CTNNBL1: variants seen among roughly 807,000 people sequenced by gnomAD.
CTNNBL1 encodes catenin beta like 1.
Under a neutral mutation model 72.7 loss-of-function variants are expected in CTNNBL1, and 31 were observed. The ratio of observed to expected loss-of-function variants is 0.43; its 90% CI spans 0.32 to 0.58. CTNNBL1 has a LOEUF of 0.58. CTNNBL1 is among the 20% of genes least tolerant of loss of function. CTNNBL1 has a pLI of 0.08. For missense variants in CTNNBL1, 534 were observed against 725.1 expected (o/e 0.74, Z 3.03); for synonymous variants, 240 against 267.3 (o/e 0.90, Z 1.00).
rs1170472870 is a variant in CTNNBL1, at chr20:37,784,565, C to T, written c.1031+5230C>T. ...ATAACCCATTATTTTAAACTGATGA[C>T]AGGCTTAACACTGATTGCAGAAACA... is the stretch of plus-strand genomic sequence containing the variant. On this transcript the variant is annotated intron_variant, in intron 10 of 15. Transcript: ENST00000361383. Among the ~76,000 whole-genome samples, 13 of 152,288 alleles carry T rather than the reference C, an allele frequency of 8.5e-5. No homozygotes were observed. The South Asian group carries it at 2.7e-3, about 32-fold the overall frequency.
At chr20:37,715,162 A>G (rs1196966339) in intron 1 of CTNNBL1, among the ~76,000 whole-genome samples, 3 of 152,204 alleles carry the variant, frequency 2.0e-5, no homozygotes, top group African/African-American at 7.2e-5. Context: ...AACCAGTTAT[A>G]GCAAGATGAT....
intron 13 of CTNNBL1, among the ~76,000 whole-genome samples, chr20:37,843,441 C>T (rs2072321491): frequency 6.6e-6 from 1 of 152,220 alleles, no homozygotes; most frequent in Non-Finnish European, 1.5e-5. Context: ...TCCCTCGGGG[C>T]ATGCCTCAGG....
chr20:37,786,551 C>CATAT (rs144124144), intron 10 of CTNNBL1, among the ~76,000 whole-genome samples: 107 of 150,254 alleles, frequency 7.1e-4, no homozygotes, highest in African/African-American at 2.5e-3. Flanking sequence ...TATGTGTGTA[C>CATAT]ATATATATAT....
At chr20:37,746,177 G>A (rs1224851442) in intron 3 of CTNNBL1, among the ~76,000 whole-genome samples, 1 of 152,214 alleles carries the variant, frequency 6.6e-6, no homozygotes, top group Non-Finnish European at 1.5e-5. Context: ...AGGACTGGTG[G>A]AAAGATCGTT....
chr20:37,865,849 G>A (rs958617097), intron 15 of CTNNBL1, among the ~76,000 whole-genome samples: 4 of 152,244 alleles, frequency 2.6e-5, no homozygotes, highest in African/African-American at 4.8e-5. Flanking sequence ...ACTGCTGGGC[G>A]AAAAGAATGA....
At chr20:37,795,757 T>C (rs1252324764) in intron 10 of CTNNBL1, among the ~76,000 whole-genome samples, 1 of 152,238 alleles carries the variant, frequency 6.6e-6, no homozygotes, top group Non-Finnish European at 1.5e-5. Context: ...ATGCTTTTAC[T>C]GTCTTTGTCT....
rs184257311 is a variant in CTNNBL1, at chr20:37,779,409, G to T, written c.1031+74G>T. The T allele has an allele frequency of 9.6e-5, 147 of 1,526,074 alleles. 1 individual carries two copies. In the African/African-American group the frequency reaches 1.8e-3, roughly 18 times the overall value. The allele number at this position is 1,526,074 out of a possible 1,614,324, so 94.5% of individuals were successfully genotyped here. A position where few individuals can be genotyped will look rare whatever the true frequency, so the allele number is the denominator to read the frequency against. On this transcript the variant is annotated intron_variant, in intron 10 of 15. Transcript: ENST00000361383. ...ACTGTTAGCCTGAATTCAAGAGCAT[G>T]TAGCTATGATCATTTATTCTGTTGG...
At chr20:37,834,878 G>T (rs2072240859) in intron 11 of CTNNBL1, among the ~76,000 whole-genome samples, 1 of 151,884 alleles carries the variant, frequency 6.6e-6, no homozygotes, top group South Asian at 2.1e-4. Context: ...CAGTAACAAT[G>T]ATGACAGTTA....
At chr20:37,805,601 T>A (rs2071951700) in intron 11 of CTNNBL1, among the ~76,000 whole-genome samples, 1 of 152,030 alleles carries the variant, frequency 6.6e-6, no homozygotes, top group Admixed American at 6.5e-5. Flanking sequence ...TTCACCATGT[T>A]GGCCAGGCTG....
intron 5 of CTNNBL1, among the ~76,000 whole-genome samples, chr20:37,759,140 C>T (rs1246611595): frequency 6.6e-6 from 1 of 152,156 alleles, no homozygotes; most frequent in Non-Finnish European, 1.5e-5. Context: ...CTTTAGAGAG[C>T]AAACTGCTAC....
intron 10 of CTNNBL1, among the ~76,000 whole-genome samples, chr20:37,800,337 T>C (rs2073813402): frequency 6.6e-6 from 1 of 152,190 alleles, no homozygotes; most frequent in South Asian, 2.1e-4. Flanking sequence ...TTGGGGTTCC[T>C]CCTCCAGGCT....
At chr20:37,813,118 A>G (rs2072027005) in intron 11 of CTNNBL1, among the ~76,000 whole-genome samples, 1 of 152,264 alleles carries the variant, frequency 6.6e-6, no homozygotes, top group South Asian at 2.1e-4. Context: ...ACGTGTTCTC[A>G]GAGTTTCTGA....
intron 1 of CTNNBL1, among the ~76,000 whole-genome samples, chr20:37,705,180 T>C (rs2072874701): frequency 6.6e-6 from 1 of 152,232 alleles, no homozygotes; most frequent in Middle Eastern, 3.2e-3. Flanking sequence ...TCAGCTCTGC[T>C]ACTTGCTAGC....
intron 11 of CTNNBL1, among the ~76,000 whole-genome samples, chr20:37,823,785 A>G (rs1466552586): frequency 6.6e-6 from 1 of 152,114 alleles, no homozygotes. Flanking sequence ...ACAGTGGGGA[A>G]ATGGAAGAAC....
rs1000911890 is a variant in CTNNBL1, at chr20:37,829,359, T to C, written c.1214-10743T>C. On this transcript the variant is annotated intron_variant, in intron 11 of 15. Transcript: ENST00000361383. ...ACCATCTCCATCCTAAGAATAGAAC[T>C]CTGGCTGACCCATGTGTGTCTTTCT... is the stretch of plus-strand genomic sequence containing the variant. 1.3e-5 allele frequency among the ~76,000 whole-genome samples: 2 copies of C among 152,102 alleles called. 1 individual carries two copies. Among genetic ancestry groups the C allele is most frequent in the Admixed American group, 1.3e-4 (2 of 15,264 alleles).
chr20:37,772,064 G>A (rs748629424), intron 7 of CTNNBL1, among the ~76,000 whole-genome samples: 2 of 152,168 alleles, frequency 1.3e-5, no homozygotes, highest in Non-Finnish European at 2.9e-5. Flanking sequence ...CCCTCATGGA[G>A]CATCTTCTCT....
At chr20:37,737,559 GT>G in intron 3 of CTNNBL1, 75 bp downstream of exon 3, 2 of 1,051,316 alleles carry the variant, frequency 1.9e-6, no homozygotes, top group South Asian at 1.5e-5. Context: ...ATTTTGGTTT[GT>G]TTTGGCTTTT....
chr20:37,771,532 G>A (rs1371816099), intron 7 of CTNNBL1, among the ~76,000 whole-genome samples: 1 of 151,400 alleles, frequency 6.6e-6, no homozygotes, highest in Non-Finnish European at 1.5e-5. Context: ...TCATTTTCCA[G>A]TTTTGAAACA....
chr20:37,838,021 A>G (rs1251942613), intron 11 of CTNNBL1, among the ~76,000 whole-genome samples: 1 of 152,244 alleles, frequency 6.6e-6, no homozygotes, highest in East Asian at 1.9e-4. Flanking sequence ...GCATTTTTCA[A>G]TAGGGTGGTC....
Sources: allele counts gnomAD v4.1 joint callset (sites outside exome capture counted in the v4.1 genomes callset), GRCh38; gene constraint gnomAD v4.1.1; transcripts MANE v1.5; gene names NCBI Gene and HGNC (gene_info 2026-07-23, HGNC 2026-07-21).